The following SAMD14 variants were observed in gnomAD, a reference collection of about 807,000 sequenced individuals.
SAMD14 encodes the protein sterile alpha motif domain-containing protein 14.
SAMD14 carries 27 observed loss-of-function variants against 46.2 expected under a neutral mutation model. The observed-to-expected ratio is 0.58, with a 90% confidence interval of 0.43 to 0.81. SAMD14 has a LOEUF of 0.81. Among genes scored for constraint, SAMD14 ranks in the 30% least tolerant of loss-of-function variants. The pLI is 0.00. For missense variants in SAMD14, 559 were observed against 582.2 expected (o/e 0.96, Z 0.41); for synonymous variants, 241 against 254.3 (o/e 0.95, Z 0.50).
At chr17:50,128,223 C>T (rs956644562) in intron 1 of SAMD14, among the ~76,000 whole-genome samples, 4 of 152,160 alleles carry the variant, frequency 2.6e-5, no homozygotes, top group African/African-American at 7.2e-5. Flanking sequence ...GAGTCCTCCT[C>T]TTCCAGGCAC....
chr17:50,119,656 C>G (rs2144404999), intron 2 of SAMD14, among the ~76,000 whole-genome samples: 1 of 152,288 alleles, frequency 6.6e-6, no homozygotes, highest in Non-Finnish European at 1.5e-5. Context: ...CATGTAACCT[C>G]AAACCAGCTT....
rs144259105 is a variant in SAMD14 at position 50,124,275 on chromosome 17, C to G, written c.43+642G>C. On this transcript the variant is annotated intron_variant, in intron 2 of 9. Transcript: ENST00000330175. ...GATGGTACCGTGGTGTGTGCATGCA[C>G]CCCAGTGTGTACTGAGGACGTGGGC... 1,204 of 433,556 alleles carry G rather than the reference C, an allele frequency of 2.8e-3. 14 individuals carry two copies. The highest frequency in any genetic ancestry group is 0.022 in the African/African-American group (1,092 of 49,804). The allele number at this position is 433,556 out of a possible 1,614,324, so 26.9% of individuals were successfully genotyped here.
Position 50,113,396 on chromosome 17 carries a change from AC to A in SAMD14, c.1099-349del, listed in dbSNP as rs570322498. 118 of 279,248 alleles carry A rather than the reference AC, an allele frequency of 4.2e-4. No homozygotes were observed. The Middle Eastern group carries it at 5.8e-3, about 14-fold the overall frequency. 17.3% of individuals were successfully genotyped at this position (279,248 alleles called of 1,614,324 possible). A position where few individuals can be genotyped will look rare whatever the true frequency, so the allele number is the denominator to read the frequency against. On this transcript the variant is annotated intron_variant, in intron 9 of 9. Coordinates refer to ENST00000330175, the MANE Select transcript of SAMD14 (RefSeq NM_001257359.2). ...AAGGTCACACAGTTAGTGCCCAAGG[AC>A]CCTCCTCACTTCCAGAGACTTCCTG...
At chr17:50,122,208 C>T (rs567056787) in intron 2 of SAMD14, among the ~76,000 whole-genome samples, 2 of 152,308 alleles carry the variant, frequency 1.3e-5, no homozygotes, top group Admixed American at 6.5e-5. Context: ...GGTCACGATA[C>T]GGTCGGGATA....
intron 1 of SAMD14, among the ~76,000 whole-genome samples, chr17:50,127,144 G>A (rs932997097): frequency 3.3e-5 from 5 of 151,342 alleles, no homozygotes; most frequent in African/African-American, 1.2e-4. Context: ...ATAAATAAAA[G>A]CAATAATAAT....
At position 50,111,118 on chromosome 17, in the gene SAMD14, CT is replaced by C. The variant is rs1910812808; in HGVS notation, c.*1774del. 1 of 152,364 alleles carries C rather than the reference CT, an allele frequency of 6.6e-6. No homozygotes were observed. 9.4% of individuals were successfully genotyped at this position (152,364 alleles called of 1,614,324 possible). On this transcript the variant is annotated 3_prime_UTR_variant, in exon 10 of 10. Transcript: ENST00000330175. ...ACACGTGCGCACGTACACACGCACA[CT>C]GCGGTGCCCTGTGACCACCACATGA...
At chr17:50,125,271 G>T in intron 1 of SAMD14, 1 of 366,692 alleles carries the variant, frequency 2.7e-6, no homozygotes, top group Non-Finnish European at 5.1e-6. Context: ...GCCTTCACGT[G>T]GGTCACTGAA....
intron 2 of SAMD14, among the ~76,000 whole-genome samples, chr17:50,120,721 C>A (rs1013374850): frequency 2.0e-5 from 3 of 152,184 alleles, no homozygotes; most frequent in Non-Finnish European, 4.4e-5. Context: ...CACAAGCCAG[C>A]CTGCATTGCA....
chr17:50,116,198 T>C, intron 4 of SAMD14, 108 bp from the exon 5 acceptor site: 1 of 1,464,126 alleles, frequency 6.8e-7, no homozygotes, highest in Non-Finnish European at 9.0e-7. Flanking sequence ...TCAGGCATCC[T>C]GGCTCTGGTG....
intron 2 of SAMD14, among the ~76,000 whole-genome samples, chr17:50,119,138 C>G (rs1911385592): frequency 6.6e-6 from 1 of 152,212 alleles, no homozygotes; most frequent in Admixed American, 6.5e-5. Flanking sequence ...GGAAGGAAAG[C>G]CCCATAGTCC....
At position 50,112,760 on chromosome 17, in the gene SAMD14, G is replaced by A; in HGVS notation, c.*133C>T. On this transcript the variant is annotated 3_prime_UTR_variant, in exon 10 of 10. Coordinates refer to ENST00000330175, the MANE Select transcript of SAMD14 (RefSeq NM_001257359.2). ...CTAGACCAAGTGACAGGGTAAGAGA[G>A]AGCATGTCCCCCCTGAGAGCGTGGG... 1 of 1,060,012 alleles carries A rather than the reference G, an allele frequency of 9.4e-7. No homozygotes were observed. The highest frequency in any genetic ancestry group is 1.6e-5 in the South Asian group (1 of 62,742). 65.7% of individuals were successfully genotyped at this position (1,060,012 alleles called of 1,614,324 possible).
chr17:50,117,977 A>G, intron 3 of SAMD14, 184 bp downstream of exon 3: 2 of 722,022 alleles, frequency 2.8e-6, no homozygotes, highest in South Asian at 4.6e-5. Context: ...TGGGGCTAAT[A>G]ATATCTTCTT....
At chr17:50,113,838 G>T (rs1196747456) in intron 9 of SAMD14, 86 bp downstream of exon 9, 1 of 1,543,080 alleles carries the variant, frequency 6.5e-7, no homozygotes, top group East Asian at 2.3e-5. Context: ...TGGGCTGAGG[G>T]TCAAAGGTCA....
At chr17:50,123,936 G>A (rs984779937) in intron 2 of SAMD14, 1 of 378,618 alleles carries the variant, frequency 2.6e-6, no homozygotes, top group Non-Finnish European at 5.4e-6. Flanking sequence ...AGGCCCTGAG[G>A]CAGTTCAAGG....
chr17:50,118,433 C>T (rs1911352045), intron 2 of SAMD14, 106 bp from the exon 3 acceptor site: 8 of 1,356,994 alleles, frequency 5.9e-6, no homozygotes, highest in Non-Finnish European at 8.1e-6. Flanking sequence ...GCATTCAACC[C>T]GTGTTCTTGA....
chr17:50,125,045 G>T, intron 1 of SAMD14, 74 bp from the exon 2 acceptor site: 4 of 1,365,304 alleles, frequency 2.9e-6, no homozygotes, highest in Non-Finnish European at 3.1e-6. Flanking sequence ...AGGCAGAAGA[G>T]ATGTGGAAGG....
chr17:50,118,412 C>T lies in SAMD14; in HGVS notation c.44-85G>A, dbSNP rs1301074897. ...GGCCCACCTCAGGGGCCACCTGCAC[C>T]CACACCCCAGGCATTCAACCCGTGT... is the stretch of plus-strand genomic sequence containing the variant. On this transcript the variant is annotated intron_variant, in intron 2 of 9. Coordinates refer to ENST00000330175, the MANE Select transcript of SAMD14 (RefSeq NM_001257359.2). 8.7e-6 allele frequency: 13 copies of T among 1,494,614 alleles called. No individual in the cohort carries two copies. In the Admixed American group the frequency reaches 1.3e-4, roughly 15 times the overall value. 92.6% of individuals were successfully genotyped at this position (1,494,614 alleles called of 1,614,324 possible).
chr17:50,110,179 G>A lies in SAMD14; in HGVS notation c.*2714C>T. 1 of 1,421,690 alleles carries A rather than the reference G, an allele frequency of 7.0e-7. No individual in the cohort carries two copies. The highest frequency in any genetic ancestry group is 1.4e-5 in the South Asian group (1 of 70,692). The allele number at this position is 1,421,690 out of a possible 1,614,324, so 88.1% of individuals were successfully genotyped here. A position where few individuals can be genotyped will look rare whatever the true frequency, so the allele number is the denominator to read the frequency against. On this transcript the variant is annotated 3_prime_UTR_variant, in exon 10 of 10. Coordinates refer to ENST00000330175, the MANE Select transcript of SAMD14 (RefSeq NM_001257359.2). Reference sequence around the variant, plus strand: ...CGTGGTGCCCCTCACCATCCTCCTGGGGGAGCAGGGGGTGGGTTCTCCCTG... The same window carrying A: ...CGTGGTGCCCCTCACCATCCTCCTGAGGGAGCAGGGGGTGGGTTCTCCCTG...
At chr17:50,119,714 C>A (rs564012050) in intron 2 of SAMD14, among the ~76,000 whole-genome samples, 1 of 152,302 alleles carries the variant, frequency 6.6e-6, no homozygotes, top group South Asian at 2.1e-4. Flanking sequence ...CCACCCAAGT[C>A]GCCCGAGTCA....
Sources: allele counts gnomAD v4.1 joint callset (sites outside exome capture counted in the v4.1 genomes callset), GRCh38; gene constraint gnomAD v4.1.1; transcripts MANE v1.5; gene names NCBI Gene and HGNC (gene_info 2026-07-23, HGNC 2026-07-21).